GPC5: variants seen among roughly 807,000 people sequenced by gnomAD.
GPC5 encodes the protein glypican-5.
In GPC5, 47 loss-of-function variants were observed where a neutral mutation model predicts 53.9. That is an observed-to-expected ratio of 0.87 (90% CI 0.69 to 1.11). The LOEUF (loss-of-function observed/expected upper bound fraction) is 1.11, where lower values mean the gene tolerates loss of function less well. GPC5 is among the 50% of genes most tolerant of loss of function. The pLI, the probability that GPC5 is intolerant of heterozygous loss-of-function variation, is 0.00. For synonymous variants in GPC5, 286 were observed against 263.3 expected (o/e 1.09, Z -0.84); for missense variants, 748 against 713.1 (o/e 1.05, Z -0.56).
chr13:91,923,396 G>A (rs1216369757), intron 6 of GPC5, among the ~76,000 whole-genome samples: 1 of 152,166 alleles, frequency 6.6e-6, no homozygotes, highest in Non-Finnish European at 1.5e-5. Flanking sequence ...TTTTGAAGCA[G>A]TTAATGCACC....
intron 6 of GPC5, among the ~76,000 whole-genome samples, chr13:92,011,297 GATC>G (rs2040659553): frequency 6.6e-6 from 1 of 152,100 alleles, no homozygotes; most frequent in Non-Finnish European, 1.5e-5. Flanking sequence ...ACTAGTGTGT[GATC>G]ATCATTTGTA....
chr13:91,951,673 G>A (rs1418466124), intron 6 of GPC5, among the ~76,000 whole-genome samples: 3 of 152,116 alleles, frequency 2.0e-5, no homozygotes, highest in African/African-American at 7.2e-5. Flanking sequence ...TGTTAGGACT[G>A]TTTTCATACA....
At chr13:92,040,419 T>A (rs183905779) in intron 6 of GPC5, among the ~76,000 whole-genome samples, 1 of 152,338 alleles carries the variant, frequency 6.6e-6, no homozygotes, top group Admixed American at 6.5e-5. Context: ...AGGGAGTGGC[T>A]CAAGGCCTGG....
intron 5 of GPC5, among the ~76,000 whole-genome samples, chr13:91,842,947 C>G (rs1012139052): frequency 6.6e-6 from 1 of 151,964 alleles, no homozygotes; most frequent in South Asian, 2.1e-4. Flanking sequence ...TATGAATTGT[C>G]TTTTTTGTTA....
chr13:92,292,453 A>G (rs9523604), intron 7 of GPC5, among the ~76,000 whole-genome samples: 43,451 of 151,728 alleles, frequency 0.29, 6,352 homozygotes, highest in Middle Eastern at 0.48. Context: ...TTTTTCTTAC[A>G]TTTGTTGGCC....
rs185807150 is a variant in GPC5 at position 92,640,962 on chromosome 13, A to G, written c.1562-225320A>G. ...TGTGCCAGCTGATACAAGTGAAAGG[A>G]GTAGTAATGGGGTGGCGGGGGAGGG... On this transcript the variant is annotated intron_variant, in intron 7 of 7. Transcript: ENST00000377067. Among the ~76,000 whole-genome samples the G allele has an allele frequency of 1.9e-4, 26 of 136,538 alleles. No individual in the cohort carries two copies. In the Admixed American group the frequency reaches 1.9e-3, roughly 10 times the overall value. 89.6% of individuals were successfully genotyped at this position (136,538 alleles called of 152,430 possible).
chr13:92,373,924 T>C (rs564105545), intron 7 of GPC5, among the ~76,000 whole-genome samples: 2 of 152,328 alleles, frequency 1.3e-5, no homozygotes, highest in South Asian at 2.1e-4. Flanking sequence ...TAGTAATGAT[T>C]GGTATAATGT....
intron 7 of GPC5, among the ~76,000 whole-genome samples, chr13:92,163,147 A>G (rs1566463677): frequency 6.6e-6 from 1 of 152,138 alleles, no homozygotes; most frequent in Non-Finnish European, 1.5e-5. Flanking sequence ...TTACACTAGA[A>G]TAAAATGAAA....
chr13:92,392,441 TA>T (rs1489619461), intron 7 of GPC5, among the ~76,000 whole-genome samples: 47 of 151,972 alleles, frequency 3.1e-4, no homozygotes, highest in Admixed American at 1.2e-3. Flanking sequence ...CCCAAAACTA[TA>T]AAAAACCCTA....
rs761251785 is a variant in GPC5, at chr13:91,654,945, A to AT, written c.326-38238dup. 2.9e-4 allele frequency among the ~76,000 whole-genome samples: 44 copies of AT among 152,232 alleles called. 1 individual carries two copies. The highest frequency in any genetic ancestry group is 1.2e-3 in the Admixed American group (19 of 15,286). On this transcript the variant is annotated intron_variant, in intron 2 of 7. Transcript: ENST00000377067. ...GTATCTGTAACACAGTATTGCAATAATTTTCTTATGTATTTTTCTCCTACT... is the reference window on the plus strand; with the variant it reads ...GTATCTGTAACACAGTATTGCAATAATTTTTCTTATGTATTTTTCTCCTACT...
chr13:92,357,315 T>C (rs573911181), intron 7 of GPC5, among the ~76,000 whole-genome samples: 12 of 151,908 alleles, frequency 7.9e-5, no homozygotes, highest in African/African-American at 2.7e-4. Flanking sequence ...ATGGTTGAAC[T>C]AATTCACACT....
intron 5 of GPC5, among the ~76,000 whole-genome samples, chr13:91,830,839 A>T (rs1453788629): frequency 2.9e-5 from 4 of 136,734 alleles, no homozygotes; most frequent in Non-Finnish European, 6.1e-5. Context: ...ATATCCTATT[A>T]TATATAATAT....
chr13:92,829,611 A>G (rs937211978), intron 7 of GPC5, among the ~76,000 whole-genome samples: 1 of 152,160 alleles, frequency 6.6e-6, no homozygotes, highest in Admixed American at 6.5e-5. Context: ...TTTTAATCCC[A>G]CAGTATTTTT....
chr13:91,915,167 G>T (rs1348208431), intron 6 of GPC5, among the ~76,000 whole-genome samples: 2 of 152,184 alleles, frequency 1.3e-5, no homozygotes, highest in African/African-American at 4.8e-5. Flanking sequence ...TAGCAATGCA[G>T]TAGTGATCAA....
In GPC5 at chr13:91,416,114, C is replaced by T. The variant is rs368472867; in HGVS notation, c.163+16905C>T. On this transcript the variant is annotated intron_variant, in intron 1 of 7. Coordinates refer to ENST00000377067, the MANE Select transcript of GPC5 (RefSeq NM_004466.6). Reference sequence around the variant, plus strand: ...AGTGTAGCAGAGGTGGGAGGAAGACCGCATATCCTGAGAAGTACCTTGAGG... The same window carrying T: ...AGTGTAGCAGAGGTGGGAGGAAGACTGCATATCCTGAGAAGTACCTTGAGG... Among the ~76,000 whole-genome samples the T allele has an allele frequency of 1.8e-4, 27 of 151,712 alleles. No individual in the cohort carries two copies. In the South Asian group the frequency reaches 4.0e-3, roughly 22 times the overall value.
chr13:92,095,962 AC>A (rs2041419053), intron 6 of GPC5, among the ~76,000 whole-genome samples: 2 of 152,344 alleles, frequency 1.3e-5, no homozygotes, highest in East Asian at 3.9e-4. Context: ...AAATTAGATT[AC>A]AGAGATAAAG....
intron 7 of GPC5, among the ~76,000 whole-genome samples, chr13:92,514,778 G>A (rs1336180462): frequency 1.3e-5 from 2 of 152,068 alleles, no homozygotes; most frequent in Non-Finnish European, 1.5e-5. Flanking sequence ...ATTATCTAGT[G>A]AGTCAGACAA....
chr13:92,790,444 A>G (rs1876421025), intron 7 of GPC5, among the ~76,000 whole-genome samples: 1 of 152,144 alleles, frequency 6.6e-6, no homozygotes, highest in East Asian at 1.9e-4. Flanking sequence ...CTTTCAAGAG[A>G]TTGTAGATTA....
Position 92,799,395 on chromosome 13 carries a change from C to G in GPC5, c.1562-66887C>G, listed in dbSNP as rs147177498. ...ATGCCTGCATAATTTAGATATTGTT[C>G]TTTACTCATTACCATAATAACACAT... On this transcript the variant is annotated intron_variant, in intron 7 of 7. Coordinates refer to ENST00000377067, the MANE Select transcript of GPC5 (RefSeq NM_004466.6). Among the ~76,000 whole-genome samples, 54 of 151,740 alleles carry G rather than the reference C, an allele frequency of 3.6e-4. No homozygotes were observed. The East Asian group carries it at 8.8e-3, about 25-fold the overall frequency.
Sources: gnomAD v4.1 joint callset for allele counts (sites outside exome capture counted in the v4.1 genomes callset) on GRCh38, gnomAD v4.1.1 for gene constraint, MANE v1.5 for transcripts, NCBI Gene and HGNC (gene_info 2026-07-23, HGNC 2026-07-21) for gene names.